Variants in GAP43 observed in about 807,000 individuals in gnomAD.
GAP43 encodes the protein neuromodulin.
Under a neutral mutation model 18.6 loss-of-function variants are expected in GAP43, and 6 were observed. The observed-to-expected ratio is 0.32, with a 90% CI of 0.18 to 0.64. The LOEUF (loss-of-function observed/expected upper bound fraction) is 0.64. Ranked by LOEUF, GAP43 falls within the 30% of genes least tolerant of loss-of-function variation. The probability of loss-of-function intolerance (pLI) is 0.78; values close to 1 mark genes in which losing one functional copy is unlikely to be tolerated. For synonymous variants in GAP43, 115 were observed against 111.4 expected (o/e 1.03, Z -0.20); for missense variants, 292 against 295.5 (o/e 0.99, Z 0.09).
At chr3:115,704,964 G>T (rs17760881) in intron 2 of GAP43, among the ~76,000 whole-genome samples, 30,233 of 152,056 alleles carry the variant, frequency 0.2, 3,651 homozygotes, top group Admixed American at 0.31. Flanking sequence ...TTGTATTTTT[G>T]TCCTGATTTA....
chr3:115,630,854 A>G (rs1456607194), intron 1 of GAP43, among the ~76,000 whole-genome samples: 2 of 152,210 alleles, frequency 1.3e-5, no homozygotes, highest in Non-Finnish European at 2.9e-5. Context: ...AACTTTCTAA[A>G]AAGTACTTAT....
At chr3:115,708,014 CA>C (rs1709386843) in intron 2 of GAP43, among the ~76,000 whole-genome samples, 1 of 26,180 alleles carries the variant, frequency 3.8e-5, no homozygotes, top group East Asian at 5.7e-3. Flanking sequence ...CACACACACA[CA>C]TATATATATA....
intron 1 of GAP43, among the ~76,000 whole-genome samples, chr3:115,653,488 GGA>G (rs1180145322): frequency 6.6e-6 from 1 of 152,088 alleles, no homozygotes; most frequent in Non-Finnish European, 1.5e-5. Flanking sequence ...CAATGTCAAA[GGA>G]GACTAGAAAA....
Position 115,676,756 on chromosome 3 carries a change from A to G in GAP43, c.628+146A>G, listed in dbSNP as rs1708895941. ...CAAGGGAAGCTGTGCTTAATTTCCC[A>G]AAGTGGCAGGACTAAGAGCTAAGGT... On this transcript the variant is annotated intron_variant, in intron 2 of 2. Coordinates refer to ENST00000305124, the MANE Select transcript of GAP43 (RefSeq NM_002045.4). 9 of 882,142 alleles carry G rather than the reference A, an allele frequency of 1.0e-5. No homozygotes were observed. The East Asian group carries it at 2.4e-4, about 24-fold the overall frequency. The allele number at this position is 882,142 out of a possible 1,614,324, so 54.6% of individuals were successfully genotyped here.
At chr3:115,696,039 T>C (rs943379633) in intron 2 of GAP43, among the ~76,000 whole-genome samples, 2 of 152,136 alleles carry the variant, frequency 1.3e-5, no homozygotes, top group Non-Finnish European at 2.9e-5. Context: ...TCTTCTCCTC[T>C]TTTCTCTTCT....
intron 1 of GAP43, among the ~76,000 whole-genome samples, chr3:115,669,628 A>C (rs1350838254): frequency 6.6e-6 from 1 of 152,164 alleles, no homozygotes. Context: ...AAAGAAAACA[A>C]CTTTTCAGAC....
At chr3:115,625,562 A>G (rs1029418659) in intron 1 of GAP43, among the ~76,000 whole-genome samples, 4 of 152,182 alleles carry the variant, frequency 2.6e-5, no homozygotes, top group African/African-American at 7.2e-5. Flanking sequence ...TTAATTTTGG[A>G]AAGAAAAATA....
In GAP43 at chr3:115,637,290, ACT is replaced by A. The variant is rs1439568267; in HGVS notation, c.30+13573_30+13574del. 2.0e-5 allele frequency among the ~76,000 whole-genome samples: 3 copies of A among 152,022 alleles called. No individual in the cohort carries two copies. In the East Asian group the frequency reaches 5.8e-4, roughly 29 times the overall value. On this transcript the variant is annotated intron_variant, in intron 1 of 2. Transcript: ENST00000305124. ...GGTAAGATATCCAGTACAGTGCATG[ACT>A]CAAGAAACACATATTGTATCTACTC...
At chr3:115,627,587 A>T (rs1242292394) in intron 1 of GAP43, among the ~76,000 whole-genome samples, 8 of 152,136 alleles carry the variant, frequency 5.3e-5, no homozygotes. Context: ...TTCAGGCAAG[A>T]ATAGAGCATA....
chr3:115,694,272 C>T (rs918194705), intron 2 of GAP43, among the ~76,000 whole-genome samples: 1 of 152,226 alleles, frequency 6.6e-6, no homozygotes, highest in Admixed American at 6.5e-5. Context: ...GAATATATCA[C>T]AAGCCCTGTA....
At chr3:115,667,057 C>T (rs568969947) in intron 1 of GAP43, among the ~76,000 whole-genome samples, 2 of 152,234 alleles carry the variant, frequency 1.3e-5, no homozygotes, top group South Asian at 4.2e-4. Context: ...AGTGTTCACA[C>T]ACAGAGAGTT....
Position 115,623,545 on chromosome 3 carries a change from A to AGAGAGAGG in GAP43, c.-141_-134dup. 1 of 935,940 alleles carries AGAGAGAGG rather than the reference A, an allele frequency of 1.1e-6. No homozygotes were observed. Among genetic ancestry groups the AGAGAGAGG allele is most frequent in the Non-Finnish European group, 1.7e-6 (1 of 597,218 alleles). 58.0% of individuals were successfully genotyped at this position (935,940 alleles called of 1,614,324 possible). ...CTAACTGCCCTGGTGTGTGTGAGGG[A>AGAGAGAGG]GAGAGAGGGAGGGAGGGAGAGAGAG... On this transcript the variant is annotated 5_prime_UTR_variant, in exon 1 of 3. Transcript: ENST00000305124.
chr3:115,635,482 T>G (rs1318655706), intron 1 of GAP43, among the ~76,000 whole-genome samples: 1 of 152,016 alleles, frequency 6.6e-6, no homozygotes. Flanking sequence ...GAAACCAGTA[T>G]GGAGGAGGAA....
intron 1 of GAP43, among the ~76,000 whole-genome samples, chr3:115,631,902 T>A (rs1041646850): frequency 2.0e-5 from 3 of 152,196 alleles, no homozygotes; most frequent in Non-Finnish European, 4.4e-5. Flanking sequence ...ATTACAGGCA[T>A]GAGCCGGGCA....
intron 2 of GAP43, among the ~76,000 whole-genome samples, chr3:115,704,381 G>T (rs1709334702): frequency 6.6e-6 from 1 of 151,910 alleles, no homozygotes; most frequent in Non-Finnish European, 1.5e-5. Flanking sequence ...ATGCCATTTT[G>T]CCTATGAAGC....
rs1483101077 is a variant in GAP43, at chr3:115,676,305, C to T, written c.323C>T (p.Pro108Leu). 6.2e-7 allele frequency: 1 copy of T among 1,614,062 alleles called. No homozygotes were observed. The highest frequency in any genetic ancestry group is 1.3e-5 in the African/African-American group (1 of 74,932). The change falls in exon 2 of 3, where the codon CCT (proline) becomes CTT (leucine). Residue 108 changes from proline to leucine, a missense_variant. Physicochemically the swap from Pro to Leu is moderately conservative, Grantham distance 98. Transcript: ENST00000305124. ...PDEPGKAGET[P>L]SEEKKGEGDA... is the part of the protein sequence containing the mutation. Reference sequence around the variant, plus strand: ...GAGCCCGGCAAAGCAGGAGAAACTCCTTCCGAGGAGAAGAAGGGGGAGGGT... The same window carrying T: ...GAGCCCGGCAAAGCAGGAGAAACTCTTTCCGAGGAGAAGAAGGGGGAGGGT...
chr3:115,705,368 A>G (rs1418717905), intron 2 of GAP43, among the ~76,000 whole-genome samples: 2 of 152,102 alleles, frequency 1.3e-5, no homozygotes, highest in East Asian at 1.9e-4. Flanking sequence ...GATTTGGCAA[A>G]CCTAGATCTG....
chr3:115,715,388 C>G (rs1709491186), intron 2 of GAP43, among the ~76,000 whole-genome samples: 1 of 152,220 alleles, frequency 6.6e-6, no homozygotes, highest in Admixed American at 6.5e-5. Context: ...TTGCCAGCTC[C>G]AGGTCATTGC....
intron 1 of GAP43, chr3:115,663,946 A>G (rs972294393): frequency 3.4e-5 from 52 of 1,549,222 alleles, no homozygotes; most frequent in Non-Finnish European, 4.3e-5. Flanking sequence ...AACCTATACA[A>G]GTATTTTAGG....
Sources: allele counts gnomAD v4.1 joint callset (sites outside exome capture counted in the v4.1 genomes callset), GRCh38; gene constraint gnomAD v4.1.1; transcripts MANE v1.5; gene names NCBI Gene and HGNC (gene_info 2026-07-23, HGNC 2026-07-21).